Variants in PPP6R1 observed in about 807,000 individuals in gnomAD.
PPP6R1 encodes protein phosphatase 6 regulatory subunit 1.
Under a neutral mutation model 104.6 loss-of-function variants are expected in PPP6R1, and 39 were observed. That is an observed-to-expected ratio of 0.37 (90% CI 0.29 to 0.49). PPP6R1 has a LOEUF of 0.49. Among genes scored for constraint, PPP6R1 ranks in the 20% least tolerant of loss-of-function variants. The probability of loss-of-function intolerance (pLI) is 0.98; values close to 1 mark genes in which losing one functional copy is unlikely to be tolerated. For synonymous variants in PPP6R1, 549 were observed against 479.0 expected, an observed-to-expected ratio of 1.15 and a Z score of -1.91; for missense variants, 1,181 against 1,155.8, an observed-to-expected ratio of 1.02 and a Z score of -0.32.
downstream of PPP6R1, chr19:55,228,367 G>C (rs1470790981): frequency 3.7e-6 from 6 of 1,613,932 alleles, no homozygotes; most frequent in Non-Finnish European, 5.1e-6. Flanking sequence ...CTGGTCCTCG[G>C]GAATCCAGAG....
intron 10 of PPP6R1, among the ~76,000 whole-genome samples, chr19:55,240,611 G>C (rs531862553): frequency 4.0e-5 from 6 of 150,600 alleles, no homozygotes; most frequent in African/African-American, 1.5e-4. Flanking sequence ...ACATACTCGT[G>C]TGCACTCACA....
chr19:55,255,310 A>T (rs906665421), intron 1 of PPP6R1, among the ~76,000 whole-genome samples: 1 of 152,196 alleles, frequency 6.6e-6, no homozygotes, highest in Non-Finnish European at 1.5e-5. Flanking sequence ...GAAAGAAAGG[A>T]AAAGACCAAT....
At chr19:55,228,814 G>A, downstream of PPP6R1, 1 of 1,498,346 alleles carries the variant, frequency 6.7e-7, no homozygotes, top group Non-Finnish European at 9.2e-7. Context: ...AGGGCTCATG[G>A]TTACACGTTA....
rs751848582 is a variant in PPP6R1 at position 55,236,759 on chromosome 19, C to CTCA, written c.1869_1871dup (p.Asp623dup). 1 of 1,614,018 alleles carries CTCA rather than the reference C, an allele frequency of 6.2e-7. No individual in the cohort carries two copies. Among genetic ancestry groups the CTCA allele is most frequent in the Admixed American group, 1.7e-5 (1 of 60,030 alleles). ...GGGCCTCTTCCTCGTCCTCCTCTTC[C>CTCA]TCATCATCATCAAACTGCTGGATGC... On this transcript the variant is annotated inframe_insertion, in exon 17 of 24. Coordinates refer to ENST00000412770, the MANE Select transcript of PPP6R1 (RefSeq NM_014931.4).
At chr19:55,257,422 C>A (rs1273656211) in intron 1 of PPP6R1, among the ~76,000 whole-genome samples, 1 of 152,182 alleles carries the variant, frequency 6.6e-6, no homozygotes, top group African/African-American at 2.4e-5. Context: ...GTGTGTACTA[C>A]GAGCGAGCAA....
chr19:55,230,343 T>G lies in PPP6R1; in HGVS notation c.*185A>C. ...AGGCAACGCTCCAAAACTTCTCTTCTCAGTGCAAATGGGGGTGGGTTGGGC... is the reference window on the plus strand; with the variant it reads ...AGGCAACGCTCCAAAACTTCTCTTCGCAGTGCAAATGGGGGTGGGTTGGGC... On this transcript the variant is annotated 3_prime_UTR_variant, in exon 24 of 24. Transcript: ENST00000412770. 1.3e-6 allele frequency: 1 copy of G among 754,342 alleles called. No individual in the cohort carries two copies. The highest frequency in any genetic ancestry group is 2.1e-6 in the Non-Finnish European group (1 of 470,100). The allele number at this position is 754,342 out of a possible 1,614,324, so 46.7% of individuals were successfully genotyped here. A position where few individuals can be genotyped will look rare whatever the true frequency, so the allele number is the denominator to read the frequency against.
At chr19:55,248,819 A>G (rs1378439965) in intron 1 of PPP6R1, among the ~76,000 whole-genome samples, 9 of 152,136 alleles carry the variant, frequency 5.9e-5, no homozygotes, top group African/African-American at 1.4e-4. Flanking sequence ...AGTCCCACAC[A>G]TGGCCTCAGG....
intron 17 of PPP6R1, among the ~76,000 whole-genome samples, chr19:55,235,775 C>G (rs1384019460): frequency 6.6e-6 from 1 of 151,974 alleles, no homozygotes; most frequent in Admixed American, 6.6e-5. Context: ...GCCTCAGCCT[C>G]CCAAAGTGCT....
At position 55,240,927 on chromosome 19, in the gene PPP6R1, C is replaced by T. The variant is rs755605860; in HGVS notation, c.1296+18G>A. 1 of 1,601,820 alleles carries T rather than the reference C, an allele frequency of 6.2e-7. No individual in the cohort carries two copies. Among genetic ancestry groups the T allele is most frequent in the Non-Finnish European group, 8.5e-7 (1 of 1,175,258 alleles). ...GGGATGGGCCCAGAAGGAGGGGGAC[C>T]AGGGAGTCCCAGCTCACATGTTTCA... is the stretch of plus-strand genomic sequence containing the variant. On this transcript the variant is annotated intron_variant, in intron 10 of 23. Transcript: ENST00000412770.
At chr19:55,258,115 G>C (rs1041988295) in intron 1 of PPP6R1, among the ~76,000 whole-genome samples, 2 of 152,370 alleles carry the variant, frequency 1.3e-5, no homozygotes, top group Admixed American at 1.3e-4. Context: ...CGGGGAACCG[G>C]CCAGAGAGGC....
At chr19:55,242,098 C>T (rs931773192) in intron 7 of PPP6R1, 68 bp downstream of exon 7, 68 of 1,465,412 alleles carry the variant, frequency 4.6e-5, no homozygotes, top group East Asian at 2.7e-4. Context: ...CACCGAGACC[C>T]GCCTCTGAGG....
At chr19:55,230,909 T>C in intron 21 of PPP6R1, 25 bp from the exon 22 acceptor site, 1 of 1,559,054 alleles carries the variant, frequency 6.4e-7, no homozygotes, top group Non-Finnish European at 8.8e-7. Flanking sequence ...CAGGTGCGGC[T>C]GTCAGCGTGG....
rs550672450 is a variant in PPP6R1, at chr19:55,245,101, G to A, written c.618+19C>T. 10 of 1,612,384 alleles carry A rather than the reference G, an allele frequency of 6.2e-6. No homozygotes were observed. In the East Asian group the frequency reaches 1.8e-4, roughly 29 times the overall value. On this transcript the variant is annotated intron_variant, in intron 5 of 23. Coordinates refer to ENST00000412770, the MANE Select transcript of PPP6R1 (RefSeq NM_014931.4). This position sits in a 1 kb window ranked among gnomAD's most constrained non-coding sequence, Gnocchi z 6.4. Reference sequence around the variant, plus strand: ...AAGGAACTCTAAGGGGAATCCGCAGGGGCATCGGCAGCACTCACATTCTCA... The same window carrying A: ...AAGGAACTCTAAGGGGAATCCGCAGAGGCATCGGCAGCACTCACATTCTCA...
At chr19:55,239,569 C>CAGCCCCACAT (rs765718680) in intron 14 of PPP6R1, 25 bp downstream of exon 14, 14 of 1,610,018 alleles carry the variant, frequency 8.7e-6, no homozygotes, top group Middle Eastern at 3.3e-4. Context: ...TAGCCCAGCA[C>CAGCCCCACAT]AGCCCCACAT....
chr19:55,242,569 A>G, intron 5 of PPP6R1, 81 bp from the exon 6 acceptor site: 1 of 1,220,668 alleles, frequency 8.2e-7, no homozygotes, highest in East Asian at 2.3e-5. Flanking sequence ...CCCTCCCATG[A>G]GCTGACCATC....
At chr19:55,257,622 A>C (rs1024878347) in intron 1 of PPP6R1, among the ~76,000 whole-genome samples, 6 of 151,078 alleles carry the variant, frequency 4.0e-5, no homozygotes, top group African/African-American at 1.5e-4. Flanking sequence ...CCTCCTACTC[A>C]TCCTTCCTAG....
At position 55,241,701 on chromosome 19, in the gene PPP6R1, T is replaced by C. The variant is rs2087459545; in HGVS notation, c.846-62A>G. 2.0e-6 allele frequency: 3 copies of C among 1,474,476 alleles called. No individual in the cohort carries two copies. Among genetic ancestry groups the C allele is most frequent in the Middle Eastern group, 1.8e-4 (1 of 5,624 alleles). 91.3% of individuals were successfully genotyped at this position (1,474,476 alleles called of 1,614,324 possible). The stretch of plus-strand genomic sequence containing the variant: ...GATGGCCTGTGCGCCCACACAGGAG[T>C]AGGCACAAGGACCACGTCTGCAGGG... On this transcript the variant is annotated intron_variant, in intron 7 of 23. Coordinates refer to ENST00000412770, the MANE Select transcript of PPP6R1 (RefSeq NM_014931.4). The surrounding 1 kb of genome is among the most constrained non-coding windows in gnomAD (Gnocchi z 5.4).
At chr19:55,231,268 TG>T in intron 21 of PPP6R1, 141 bp downstream of exon 21, 1 of 1,038,520 alleles carries the variant, frequency 9.6e-7, no homozygotes, top group Non-Finnish European at 1.4e-6. Flanking sequence ...TGCAAGGGGC[TG>T]GGGCACAACA....
chr19:55,239,286 C>T, intron 15 of PPP6R1, 119 bp downstream of exon 15: 2 of 1,025,392 alleles, frequency 2.0e-6, no homozygotes, highest in Non-Finnish European at 2.9e-6. Flanking sequence ...CCAGGAGGGG[C>T]CACAGCTGCA....
Sources: gnomAD v4.1 joint callset for allele counts (sites outside exome capture counted in the v4.1 genomes callset) on GRCh38, gnomAD v4.1.1 for gene constraint, Gnocchi (gnomAD v3.1) non-coding constraint, MANE v1.5 for transcripts, NCBI Gene and HGNC (gene_info 2026-07-23, HGNC 2026-07-21) for gene names.